Variants in CLEC12B observed in about 807,000 individuals in gnomAD.
CLEC12B encodes macrophage antigen h.
CLEC12B carries 25 observed loss-of-function variants against 36.1 expected under a neutral mutation model. The observed-to-expected ratio is 0.69, with a 90% CI of 0.50 to 0.97. CLEC12B has a LOEUF of 0.97. Ranked by LOEUF, CLEC12B falls within the 50% of genes least tolerant of loss-of-function variation. The pLI is 0.00. For missense variants in CLEC12B, 325 were observed against 318.4 expected (o/e 1.02, Z -0.16); for synonymous variants, 110 against 108.5 (o/e 1.01, Z -0.09).
At position 10,010,641 on chromosome 12, in the gene CLEC12B, T is replaced by C. The variant is rs1266898901; in HGVS notation, c.-119T>C. 1.6e-6 allele frequency: 1 copy of C among 608,026 alleles called. No individual in the cohort carries two copies. Among genetic ancestry groups the C allele is most frequent in the East Asian group, 2.9e-5 (1 of 34,408 alleles). 37.7% of individuals were successfully genotyped at this position (608,026 alleles called of 1,614,324 possible). A position where few individuals can be genotyped will look rare whatever the true frequency, so the allele number is the denominator to read the frequency against. On this transcript the variant is annotated 5_prime_UTR_variant, in exon 1 of 6. Coordinates refer to ENST00000338896, the MANE Select transcript of CLEC12B (RefSeq NM_001129998.3). ...TCTCTTACAGAGGGGCAGTAGAGTGTGTCTGGGTCAGCTGAGTGACTACAT... is the reference window on the plus strand; with the variant it reads ...TCTCTTACAGAGGGGCAGTAGAGTGCGTCTGGGTCAGCTGAGTGACTACAT...
chr12:10,016,014 G>A, intron 5 of CLEC12B: 1 of 1,070,330 alleles, frequency 9.3e-7, no homozygotes, highest in Non-Finnish European at 1.1e-6. Flanking sequence ...CTTGAAGAAA[G>A]CAGTTATATT....
rs1043054462 is a variant in CLEC12B, at chr12:10,017,493, T to G, written c.681-838T>G. ...ACTCTTAATCAAAGTGTGGAGGAGG[T>G]GGCCCCCACAGCAGGGTTTGGAACC... On this transcript the variant is annotated intron_variant, in intron 5 of 5. Transcript: ENST00000338896. The G allele has an allele frequency of 3.0e-6, 3 of 984,996 alleles. No homozygotes were observed. In the African/African-American group the frequency reaches 5.3e-5, roughly 17 times the overall value. The allele number at this position is 984,996 out of a possible 1,614,324, so 61.0% of individuals were successfully genotyped here. A position where few individuals can be genotyped will look rare whatever the true frequency, so the allele number is the denominator to read the frequency against.
chr12:10,014,491 T>G (rs372925873), intron 2 of CLEC12B, 32 bp from the exon 3 acceptor site: 2 of 1,426,626 alleles, frequency 1.4e-6, no homozygotes, highest in African/African-American at 1.4e-5. Context: ...AATAGAAGAA[T>G]ATATGAACTT....
chr12:10,014,004 C>T (rs1865407747), intron 2 of CLEC12B, among the ~76,000 whole-genome samples: 1 of 152,132 alleles, frequency 6.6e-6, no homozygotes, highest in African/African-American at 2.4e-5. Flanking sequence ...ATTTGTTGTG[C>T]TGATGAAGCA....
Position 10,010,773 on chromosome 12 carries a change from T to G in CLEC12B, c.14T>G (p.Val5Gly), listed in dbSNP as rs1344630246. Residue 5 changes from valine (V) to glycine (G), a missense_variant, in exon 1 of 6, where the codon GTG becomes GGG. Coordinates refer to ENST00000338896, the MANE Select transcript of CLEC12B (RefSeq NM_001129998.3). ...TTTTCTTCTACAATGTCTGAAGAAG[T>G]GACCTACGCGACACTCACATTTCAG... MSEEVTYATLTFQDS... is the reference protein window; with the variant it reads MSEEGTYATLTFQDS... 1 of 1,600,492 alleles carries G rather than the reference T, an allele frequency of 6.2e-7. No individual in the cohort carries two copies. Among genetic ancestry groups the G allele is most frequent in the Admixed American group, 1.7e-5 (1 of 59,974 alleles).
intron 1 of CLEC12B, among the ~76,000 whole-genome samples, chr12:10,012,526 T>G (rs1425511886): frequency 2.0e-5 from 3 of 152,180 alleles, no homozygotes; most frequent in South Asian, 2.1e-4. Flanking sequence ...GCATTAGGTA[T>G]ATCTCCTAAA....
rs1865524628 is a variant in CLEC12B at position 10,017,829 on chromosome 12, C to CTATA, written c.681-499_681-496dup. ...ATGAATACTATTGTCAGAACCATAT[C>CTATA]TATATAGTCAATCATTTCCTCTTTT... On this transcript the variant is annotated intron_variant, in intron 5 of 5. Coordinates refer to ENST00000338896, the MANE Select transcript of CLEC12B (RefSeq NM_001129998.3). The CTATA allele has an allele frequency of 5.2e-6, 5 of 957,770 alleles. No individual in the cohort carries two copies. The South Asian group carries it at 2.4e-4, about 46-fold the overall frequency. 59.3% of individuals were successfully genotyped at this position (957,770 alleles called of 1,614,324 possible).
chr12:10,006,819 G>C (rs1865232742), upstream of CLEC12B, among the ~76,000 whole-genome samples: 1 of 152,092 alleles, frequency 6.6e-6, no homozygotes, highest in Non-Finnish European at 1.5e-5. Context: ...ACTTTGGGAG[G>C]CCGAGGGGGA....
chr12:10,010,355 C>A (rs1043185839), upstream of CLEC12B, among the ~76,000 whole-genome samples: 1 of 152,172 alleles, frequency 6.6e-6, no homozygotes, highest in Admixed American at 6.5e-5. Context: ...TGTCTCCAGG[C>A]AGATTAGCTA....
intron 3 of CLEC12B, 43 bp downstream of exon 3, chr12:10,014,784 T>G (rs1173114545): frequency 7.4e-6 from 10 of 1,358,754 alleles, no homozygotes; most frequent in Non-Finnish European, 9.5e-6. Flanking sequence ...TGGCATATGT[T>G]ATCCTGGTCT....
rs111698812 is a variant in CLEC12B, at chr12:10,010,655, G to A, written c.-105G>A. The A allele has an allele frequency of 9.1e-6, 6 of 662,868 alleles. No individual in the cohort carries two copies. The highest frequency in any genetic ancestry group is 7.2e-5 in the African/African-American group (4 of 55,486). The allele number at this position is 662,868 out of a possible 1,614,324, so 41.1% of individuals were successfully genotyped here. On this transcript the variant is annotated 5_prime_UTR_variant, in exon 1 of 6. Transcript: ENST00000338896. ...GCAGTAGAGTGTGTCTGGGTCAGCTGAGTGACTACATCAAAGCTCCCAGCC... is the reference window on the plus strand; with the variant it reads ...GCAGTAGAGTGTGTCTGGGTCAGCTAAGTGACTACATCAAAGCTCCCAGCC...
At position 10,018,533 on chromosome 12, in the gene CLEC12B, A is replaced by G; in HGVS notation, c.*52A>G. 6.8e-7 allele frequency: 1 copy of G among 1,468,014 alleles called. No homozygotes were observed. The highest frequency in any genetic ancestry group is 9.2e-7 in the Non-Finnish European group (1 of 1,087,612). The allele number at this position is 1,468,014 out of a possible 1,614,324, so 90.9% of individuals were successfully genotyped here. A position where few individuals can be genotyped will look rare whatever the true frequency, so the allele number is the denominator to read the frequency against. On this transcript the variant is annotated 3_prime_UTR_variant, in exon 6 of 6. Coordinates refer to ENST00000338896, the MANE Select transcript of CLEC12B (RefSeq NM_001129998.3). ...GTAAGAGACTTGTGAGTAAGCTCAT[A>G]TGAGGAAAGAGGAAACTACGGTACC...
intron 5 of CLEC12B, chr12:10,016,213 A>G (rs1865484230): frequency 6.5e-6 from 1 of 154,446 alleles, no homozygotes; most frequent in Admixed American, 6.5e-5. Context: ...TATACTAAAT[A>G]ACTGTCAACC....
At position 10,012,946 on chromosome 12, in the gene CLEC12B, T is replaced by C. The variant is rs772080413; in HGVS notation, c.190+63T>C. 1.1e-5 allele frequency: 14 copies of C among 1,224,280 alleles called. No individual in the cohort carries two copies. In the Admixed American group the frequency reaches 2.4e-4, roughly 21 times the overall value. 75.8% of individuals were successfully genotyped at this position (1,224,280 alleles called of 1,614,324 possible). ...GAAAACATATTGTAAACCATGTACT[T>C]TCAGCTTGGATTGTAGATGGGTCCT... On this transcript the variant is annotated intron_variant, in intron 2 of 5. Coordinates refer to ENST00000338896, the MANE Select transcript of CLEC12B (RefSeq NM_001129998.3).
chr12:10,014,995 A>G (rs544086368), intron 3 of CLEC12B, among the ~76,000 whole-genome samples: 1 of 152,208 alleles, frequency 6.6e-6, no homozygotes, highest in African/African-American at 2.4e-5. Flanking sequence ...AACTATTTCT[A>G]GGTGATCATG....
At chr12:10,012,091 A>T (rs1865343140) in intron 1 of CLEC12B, among the ~76,000 whole-genome samples, 1 of 152,206 alleles carries the variant, frequency 6.6e-6, no homozygotes, top group Non-Finnish European at 1.5e-5. Flanking sequence ...TGTAGGTTAG[A>T]CTGCACATTC....
chr12:10,012,992 A>G, intron 2 of CLEC12B, 109 bp downstream of exon 2: 4 of 812,134 alleles, frequency 4.9e-6, no homozygotes, highest in Non-Finnish European at 6.4e-6. Context: ...ATCGTCTGAT[A>G]CTTTTCTGCT....
intron 5 of CLEC12B, chr12:10,018,075 T>C: frequency 1.4e-6 from 1 of 692,962 alleles, no homozygotes; most frequent in Non-Finnish European, 1.8e-6. Flanking sequence ...ATACAAATTC[T>C]CAGTCCAGGA....
intron 5 of CLEC12B, chr12:10,017,033 C>A: frequency 1.0e-6 from 1 of 984,556 alleles, no homozygotes; most frequent in South Asian, 4.7e-5. Flanking sequence ...GTCAAAGATG[C>A]CATGCTTCAG....
Sources: allele counts gnomAD v4.1 joint callset (sites outside exome capture counted in the v4.1 genomes callset), GRCh38; gene constraint gnomAD v4.1.1; transcripts MANE v1.5; gene names NCBI Gene and HGNC (gene_info 2026-07-23, HGNC 2026-07-21).